Variants in METTL8 observed in about 807,000 individuals in gnomAD.
The protein encoded by METTL8 is tRNA N(3)-cytidine methyltransferase METTL8, mitochondrial.
A neutral mutation model predicts 48.7 loss-of-function variants in METTL8; 32 were observed. The observed-to-expected ratio is 0.66, with a 90% CI of 0.50 to 0.88. METTL8 has a LOEUF of 0.88. Among genes scored for constraint, METTL8 ranks in the 40% least tolerant of loss-of-function variants. METTL8 has a pLI of 0.00. For synonymous variants in METTL8, 136 were observed against 157.1 expected (o/e 0.87, Z 1.01); for missense variants, 464 against 474.4 (o/e 0.98, Z 0.20).
rs1375460825 is a variant in METTL8 at position 171,391,976 on chromosome 2, A to G, written c.143+67T>C. 3.4e-6 allele frequency: 5 copies of G among 1,452,868 alleles called. No homozygotes were observed. In the East Asian group the frequency reaches 1.2e-4, roughly 36 times the overall value. The allele number at this position is 1,452,868 out of a possible 1,614,324, so 90.0% of individuals were successfully genotyped here. On this transcript the variant is annotated intron_variant, in intron 2 of 9. Coordinates refer to ENST00000375258, the MANE Select transcript of METTL8 (RefSeq NM_001321154.2). Reference sequence around the variant, plus strand: ...TTTAAAAACCCTTTCTTAATTCTAAATGAAAATAATACCACTGGTGATATT... The same window carrying G: ...TTTAAAAACCCTTTCTTAATTCTAAGTGAAAATAATACCACTGGTGATATT...
chr2:171,351,271 A>G (rs887402558), intron 3 of METTL8, among the ~76,000 whole-genome samples: 14 of 152,058 alleles, frequency 9.2e-5, no homozygotes, highest in Middle Eastern at 3.4e-3. Context: ...TCAGATGGTT[A>G]TAGATGTGTG....
chr2:171,356,952 A>ATGTTTTGTTTTTTT lies in METTL8; in HGVS notation c.235+3469_235+3470insAAAAAAACAAAACA. 6.4e-5 allele frequency among the ~76,000 whole-genome samples: 5 copies of ATGTTTTGTTTTTTT among 78,468 alleles called. 1 individual carries two copies. Among genetic ancestry groups the ATGTTTTGTTTTTTT allele is most frequent in the African/African-American group, 1.3e-4 (3 of 22,448 alleles). The allele number at this position is 78,468 out of a possible 152,430, so 51.5% of individuals were successfully genotyped here. ...CAAATTAGCCTTGTTCAAAGACAAT[A>ATGTTTTGTTTTTTT]TTTTTTTTTTTTTTTTTGAGACAGG... On this transcript the variant is annotated intron_variant, in intron 3 of 9. Transcript: ENST00000375258.
chr2:171,324,893 T>C (rs1455722087), intron 9 of METTL8, among the ~76,000 whole-genome samples: 4 of 151,872 alleles, frequency 2.6e-5, no homozygotes, highest in Admixed American at 2.6e-4. Flanking sequence ...TCACTTGAGG[T>C]CAGGAGTTTG....
chr2:171,335,631 G>C (rs1402449034), intron 5 of METTL8, among the ~76,000 whole-genome samples: 1 of 152,030 alleles, frequency 6.6e-6, no homozygotes, highest in Non-Finnish European at 1.5e-5. Context: ...CACCATGTTG[G>C]CCAGGCTGGT....
intron 2 of METTL8, among the ~76,000 whole-genome samples, chr2:171,384,734 A>G (rs551487741): frequency 6.6e-6 from 1 of 151,988 alleles, no homozygotes; most frequent in African/African-American, 2.4e-5. Context: ...TGGGGGACTG[A>G]GGCAGGAGGA....
intron 2 of METTL8, among the ~76,000 whole-genome samples, chr2:171,363,206 C>T (rs765119135): frequency 1.3e-5 from 2 of 151,868 alleles, no homozygotes; most frequent in Non-Finnish European, 2.9e-5. Flanking sequence ...ATCCTAAGTT[C>T]CTGCAGAACA....
At chr2:171,427,003 G>A (rs7590275) in intron 1 of METTL8, among the ~76,000 whole-genome samples, 43,651 of 152,058 alleles carry the variant, frequency 0.29, 7,263 homozygotes, top group East Asian at 0.63. Context: ...ACATTCCTTA[G>A]CACTAATGTA....
chr2:171,390,079 A>G (rs951227144), intron 2 of METTL8, among the ~76,000 whole-genome samples: 1 of 152,184 alleles, frequency 6.6e-6, no homozygotes, highest in African/African-American at 2.4e-5. Context: ...ACTATTCCCA[A>G]AATCCTAGGG....
intron 2 of METTL8, among the ~76,000 whole-genome samples, chr2:171,371,866 T>C (rs1046657083): frequency 6.7e-6 from 1 of 148,984 alleles, no homozygotes; most frequent in East Asian, 1.9e-4. Context: ...ATTATTATTA[T>C]TATTGTAGAG....
rs553535855 is a variant in METTL8, at chr2:171,354,605, G to C, written c.235+5817C>G. Among the ~76,000 whole-genome samples, 45 of 152,012 alleles carry C rather than the reference G, an allele frequency of 3.0e-4. No homozygotes were observed. In the East Asian group the frequency reaches 8.3e-3, roughly 28 times the overall value. On this transcript the variant is annotated intron_variant, in intron 3 of 9. Coordinates refer to ENST00000375258, the MANE Select transcript of METTL8 (RefSeq NM_001321154.2). ...TCACTTTCAGGTACACCAATCAGAC[G>C]TAGATTTGGTCTTTTCACATAGTCC...
Position 171,383,872 on chromosome 2 carries a change from T to C in METTL8, c.143+8171A>G, listed in dbSNP as rs1334150187. On this transcript the variant is annotated intron_variant, in intron 2 of 9. Transcript: ENST00000375258. ...ATGGTTCAGTCACTGTGGAAAACAA[T>C]TTGAGTTTCTCAAAAACTTAAACAC... Among the ~76,000 whole-genome samples the C allele has an allele frequency of 3.3e-5, 5 of 152,172 alleles. No homozygotes were observed. In the East Asian group the frequency reaches 5.8e-4, roughly 18 times the overall value.
chr2:171,340,227 G>A (rs1358828687), intron 3 of METTL8, among the ~76,000 whole-genome samples: 3 of 148,572 alleles, frequency 2.0e-5, no homozygotes, highest in African/African-American at 7.5e-5. Context: ...TGAGGGCTGG[G>A]CACGGTGGCT....
At chr2:171,427,048 A>G (rs1330762527) in intron 1 of METTL8, among the ~76,000 whole-genome samples, 1 of 152,214 alleles carries the variant, frequency 6.6e-6, no homozygotes, top group Non-Finnish European at 1.5e-5. Flanking sequence ...AAATCCAGGC[A>G]TTGTTTCTTT....
At chr2:171,415,830 G>T (rs1691261042) in intron 1 of METTL8, among the ~76,000 whole-genome samples, 1 of 152,138 alleles carries the variant, frequency 6.6e-6, no homozygotes, top group Admixed American at 6.5e-5. Context: ...GCTGGATTCT[G>T]GACCCAAATA....
chr2:171,430,091 C>T (rs1692837255), intron 1 of METTL8, among the ~76,000 whole-genome samples: 1 of 151,146 alleles, frequency 6.6e-6, no homozygotes, highest in Non-Finnish European at 1.5e-5. Context: ...GGAACGGTAG[C>T]TCATGCCTAT....
At chr2:171,363,388 C>T (rs1303257526) in intron 2 of METTL8, among the ~76,000 whole-genome samples, 1 of 151,978 alleles carries the variant, frequency 6.6e-6, no homozygotes, top group Admixed American at 6.6e-5. Context: ...AAGAATCATA[C>T]AACTTTTTAT....
chr2:171,403,761 T>G (rs1006517933), intron 1 of METTL8, among the ~76,000 whole-genome samples: 2 of 151,824 alleles, frequency 1.3e-5, no homozygotes, highest in African/African-American at 4.8e-5. Flanking sequence ...AAAATAATTT[T>G]GTATGACTAC....
chr2:171,397,376 AAAAC>A (rs1689189292), intron 1 of METTL8, among the ~76,000 whole-genome samples: 1 of 147,422 alleles, frequency 6.8e-6, no homozygotes, highest in African/African-American at 2.5e-5. Flanking sequence ...AAAAAAAAAA[AAAAC>A]AACATCAACA....
Position 171,320,177 on chromosome 2 carries a change from C to G in METTL8, c.*3995G>C, listed in dbSNP as rs2105372848. 6.6e-6 allele frequency: 1 copy of G among 151,846 alleles called. No homozygotes were observed. Among genetic ancestry groups the G allele is most frequent in the South Asian group, 2.1e-4 (1 of 4,786 alleles). The allele number at this position is 151,846 out of a possible 1,614,324, so 9.4% of individuals were successfully genotyped here. ...TCTACATTTCTATCTAGCAGCAAACCCCGAGAAGGAAGTTGTTGTAGGTAG... is the reference window on the plus strand; with the variant it reads ...TCTACATTTCTATCTAGCAGCAAACGCCGAGAAGGAAGTTGTTGTAGGTAG... On this transcript the variant is annotated 3_prime_UTR_variant, in exon 10 of 10. Transcript: ENST00000375258.
Sources: gnomAD v4.1 joint callset for allele counts (sites outside exome capture counted in the v4.1 genomes callset) on GRCh38, gnomAD v4.1.1 for gene constraint, MANE v1.5 for transcripts, NCBI Gene and HGNC (gene_info 2026-07-23, HGNC 2026-07-21) for gene names.